The following STIM1 variants were observed in gnomAD, a reference collection of about 807,000 sequenced individuals.
STIM1 encodes the protein stromal interaction molecule 1.
Under a neutral mutation model 74.7 loss-of-function variants are expected in STIM1, and 25 were observed. The ratio of observed to expected loss-of-function variants is 0.33; its 90% CI spans 0.24 to 0.47. The LOEUF is 0.47. Among genes scored for constraint, STIM1 ranks in the 20% least tolerant of loss-of-function variants. The pLI, the probability that STIM1 is intolerant of heterozygous loss-of-function variation, is 1.00. For missense variants in STIM1, 728 were observed against 920.8 expected, an observed-to-expected ratio of 0.79 and a Z score of 2.71; for synonymous variants, 328 against 348.8, an observed-to-expected ratio of 0.94 and a Z score of 0.66.
At chr11:3,989,218 T>C (rs1477014375) in intron 2 of STIM1, 1 of 900,642 alleles carries the variant, frequency 1.1e-6, no homozygotes, top group Admixed American at 1.7e-5. Flanking sequence ...CTCAGTTTTC[T>C]TTTCCCTGTT....
chr11:3,946,559 C>T (rs1018687625), intron 1 of STIM1, among the ~76,000 whole-genome samples: 1 of 152,090 alleles, frequency 6.6e-6, no homozygotes, highest in Non-Finnish European at 1.5e-5. Context: ...TCGTTGGATT[C>T]TAGGTTCCTA....
intron 2 of STIM1, among the ~76,000 whole-genome samples, chr11:3,987,769 G>C (rs2093570664): frequency 6.7e-6 from 1 of 149,654 alleles, no homozygotes; most frequent in African/African-American, 2.5e-5. Flanking sequence ...CTCTTGTGTA[G>C]TACAATACTC....
rs187114993 is a variant in STIM1 at position 3,914,161 on chromosome 11, C to T, written c.140-53391C>T. Among the ~76,000 whole-genome samples, 615 of 152,178 alleles carry T rather than the reference C, an allele frequency of 4.0e-3. 2 individuals carry two copies. The highest frequency in any genetic ancestry group is 0.014 in the African/African-American group (585 of 41,536). ...CCTCCTGCTAGCCTTTGTTAACTTCCAGTCTACTTTTTGTCTTCGTGAATT... is the reference window on the plus strand; with the variant it reads ...CCTCCTGCTAGCCTTTGTTAACTTCTAGTCTACTTTTTGTCTTCGTGAATT... On this transcript the variant is annotated intron_variant, in intron 1 of 12. Coordinates refer to ENST00000526596, the MANE Select transcript of STIM1 (RefSeq NM_001382567.1).
chr11:4,063,093 G>A (rs2094342278), intron 5 of STIM1, among the ~76,000 whole-genome samples: 2 of 152,164 alleles, frequency 1.3e-5, no homozygotes, highest in South Asian at 2.1e-4. Flanking sequence ...TAGATTAGTG[G>A]TTTCTGGGGC....
intron 1 of STIM1, among the ~76,000 whole-genome samples, chr11:3,884,150 GATCAGGA>G (rs1484301864): frequency 1.3e-5 from 2 of 152,124 alleles, no homozygotes; most frequent in Non-Finnish European, 2.9e-5. Flanking sequence ...CAAGGGTCTG[GATCAGGA>G]ATCAGAAGTC....
At chr11:3,934,999 C>T (rs150649662) in intron 1 of STIM1, among the ~76,000 whole-genome samples, 2 of 152,342 alleles carry the variant, frequency 1.3e-5, no homozygotes, top group African/African-American at 4.8e-5. Context: ...GAACCTGTTC[C>T]CTGTAATAGC....
At chr11:3,903,220 G>A (rs1005659686) in intron 1 of STIM1, among the ~76,000 whole-genome samples, 2 of 152,118 alleles carry the variant, frequency 1.3e-5, no homozygotes. Flanking sequence ...GGTAGAGGTG[G>A]GATTCGGGCC....
intron 1 of STIM1, among the ~76,000 whole-genome samples, chr11:3,939,196 A>G (rs1406881135): frequency 1.3e-5 from 2 of 152,214 alleles, no homozygotes; most frequent in African/African-American, 4.8e-5. Flanking sequence ...CAGAGGATAT[A>G]CACTTAGACA....
chr11:4,074,714 G>A (rs750932135), intron 7 of STIM1, 35 bp downstream of exon 7: 3 of 1,550,368 alleles, frequency 1.9e-6, no homozygotes, highest in Non-Finnish European at 2.6e-6. Context: ...ACACCTTGAC[G>A]GGTGGGTAAA....
intron 3 of STIM1, among the ~76,000 whole-genome samples, chr11:4,044,869 G>A (rs569038034): frequency 6.6e-6 from 1 of 152,260 alleles, no homozygotes; most frequent in African/African-American, 2.4e-5. Flanking sequence ...CCTTCCATGG[G>A]ATGTTGAACA....
At chr11:4,005,966 A>G (rs190134341) in intron 2 of STIM1, among the ~76,000 whole-genome samples, 1 of 152,296 alleles carries the variant, frequency 6.6e-6, no homozygotes, top group East Asian at 1.9e-4. Flanking sequence ...TAGATGTTCA[A>G]GAGGTAAATA....
chr11:3,955,531 A>G (rs1212555077), intron 1 of STIM1, among the ~76,000 whole-genome samples: 1 of 152,166 alleles, frequency 6.6e-6, no homozygotes, highest in South Asian at 2.1e-4. Context: ...CTTCCTGGAA[A>G]TGTTCTATAT....
chr11:3,945,077 A>G (rs1247010552), intron 1 of STIM1, among the ~76,000 whole-genome samples: 1 of 152,198 alleles, frequency 6.6e-6, no homozygotes, highest in Non-Finnish European at 1.5e-5. Context: ...CTTTGGAGTC[A>G]AGCTGCCTGG....
At chr11:3,892,869 ACACGGTGGGGTTAAC>A in intron 1 of STIM1, 1 of 1,594,092 alleles carries the variant, frequency 6.3e-7, no homozygotes, top group Admixed American at 1.7e-5. Context: ...ATGTCGAAGA[ACACGGTGGGGTTAAC>A]CACGGCTGAT....
At chr11:4,023,144 A>G (rs2093971680) in intron 2 of STIM1, among the ~76,000 whole-genome samples, 1 of 152,132 alleles carries the variant, frequency 6.6e-6, no homozygotes, top group African/African-American at 2.4e-5. Flanking sequence ...CAGCCTGGGC[A>G]ATGGTGAAAC....
chr11:3,856,451 C>T (rs1210339467), intron 1 of STIM1, 42 bp downstream of exon 1: 1 of 1,602,062 alleles, frequency 6.2e-7, no homozygotes. Flanking sequence ...GAGGCTTTGG[C>T]TCAGGACTGA....
chr11:3,929,337 G>T (rs2092829947), intron 1 of STIM1, among the ~76,000 whole-genome samples: 1 of 152,188 alleles, frequency 6.6e-6, no homozygotes, highest in South Asian at 2.1e-4. Context: ...CTGGTTCCAT[G>T]AAGTCATTTG....
At chr11:3,888,119 G>C (rs1222533498) in intron 1 of STIM1, 1 of 152,396 alleles carries the variant, frequency 6.6e-6, no homozygotes. Flanking sequence ...CCTGGGAGGT[G>C]CCAGAGCTAT....
intron 1 of STIM1, among the ~76,000 whole-genome samples, chr11:3,887,283 C>T (rs1048233683): frequency 6.6e-6 from 1 of 152,202 alleles, no homozygotes; most frequent in Non-Finnish European, 1.5e-5. Context: ...TGTACCTGCT[C>T]ACTTTTGCCC....
Sources: gnomAD v4.1 joint callset for allele counts (sites outside exome capture counted in the v4.1 genomes callset) on GRCh38, gnomAD v4.1.1 for gene constraint, MANE v1.5 for transcripts, NCBI Gene and HGNC (gene_info 2026-07-23, HGNC 2026-07-21) for gene names.